Variants in LRBA observed in about 807,000 individuals in gnomAD.
LRBA encodes the protein LPS responsive beige-like anchor protein, also known as lipopolysaccharide-responsive and beige-like anchor protein.
Under a neutral mutation model 330.0 loss-of-function variants are expected in LRBA, and 176 were observed. The ratio of observed to expected loss-of-function variants is 0.53; its 90% CI spans 0.47 to 0.60. The LOEUF is 0.60. Ranked by LOEUF, LRBA falls within the 20% of genes least tolerant of loss-of-function variation. LRBA has a pLI of 0.00. For synonymous variants in LRBA, 1,230 were observed against 1,193.0 expected (o/e 1.03, Z -0.64); for missense variants, 3,259 against 3,444.8 (o/e 0.95, Z 1.35).
intron 37 of LRBA, among the ~76,000 whole-genome samples, chr4:150,646,148 G>A (rs1779116505): frequency 2.0e-5 from 3 of 151,880 alleles, no homozygotes; most frequent in African/African-American, 7.3e-5. Flanking sequence ...ACCAGGCAAA[G>A]CAGATGATGG....
intron 41 of LRBA, among the ~76,000 whole-genome samples, chr4:150,489,441 T>TAATATATTATATATAAGAATATAA: frequency 4.3e-5 from 1 of 23,432 alleles, no homozygotes. Flanking sequence ...TAAGAATATA[T>TAATATATTATATATAAGAATATAA]AATATATTAT....
At chr4:150,712,718 A>T (rs1315719533) in intron 36 of LRBA, among the ~76,000 whole-genome samples, 2 of 152,142 alleles carry the variant, frequency 1.3e-5, no homozygotes, top group African/African-American at 4.8e-5. Flanking sequence ...ACTGGACAAG[A>T]CATGTAAAGG....
chr4:150,400,939 A>G (rs891966360), intron 47 of LRBA, among the ~76,000 whole-genome samples: 2 of 152,242 alleles, frequency 1.3e-5, no homozygotes, highest in East Asian at 1.9e-4. Flanking sequence ...ACACAACTCC[A>G]TATGTTGGAG....
At chr4:150,894,542 C>T (rs534444457) in intron 16 of LRBA, among the ~76,000 whole-genome samples, 2 of 152,302 alleles carry the variant, frequency 1.3e-5, no homozygotes, top group East Asian at 3.9e-4. Context: ...TTGGACAATA[C>T]TGACCCAAAA....
rs1321627015 is a variant in LRBA at position 150,464,823 on chromosome 4, AGCAG to A, written c.6780+2846_6780+2849del. 2.0e-5 allele frequency among the ~76,000 whole-genome samples: 3 copies of A among 152,136 alleles called. No homozygotes were observed. In the East Asian group the frequency reaches 5.8e-4, roughly 29 times the overall value. On this transcript the variant is annotated intron_variant, in intron 44 of 56. Transcript: ENST00000651943. ...CTCAAAGTGATCACAGAGAAGCAAGAGCAGAAACACACAAGCACTTTTTCAAATT... is the reference window on the plus strand; with the variant it reads ...CTCAAAGTGATCACAGAGAAGCAAGAAAACACACAAGCACTTTTTCAAATT...
chr4:150,566,980 T>C, intron 40 of LRBA, among the ~76,000 whole-genome samples: 1 of 152,258 alleles, frequency 6.6e-6, no homozygotes, highest in East Asian at 1.9e-4. Context: ...TTCCTAAGTA[T>C]AAAATATGCA....
intron 40 of LRBA, among the ~76,000 whole-genome samples, chr4:150,571,663 T>TG (rs1293529935): frequency 3.4e-5 from 5 of 147,072 alleles, no homozygotes; most frequent in Non-Finnish European, 6.0e-5. Flanking sequence ...TTTTTTTTTT[T>TG]TTTTTTTTTT....
intron 2 of LRBA, among the ~76,000 whole-genome samples, chr4:150,932,973 T>G (rs1734675622): frequency 6.6e-6 from 1 of 152,150 alleles, no homozygotes. Flanking sequence ...TCAAAATTTT[T>G]TATTTTTGAA....
intron 47 of LRBA, among the ~76,000 whole-genome samples, chr4:150,401,511 AGCC>A (rs1745465947): frequency 6.6e-6 from 1 of 152,190 alleles, no homozygotes; most frequent in Admixed American, 6.5e-5. Flanking sequence ...TTGTAATGGC[AGCC>A]CTAGGAAACT....
chr4:150,582,211 TA>T (rs1267946040), intron 40 of LRBA: 1 of 151,884 alleles, frequency 6.6e-6, no homozygotes, highest in Non-Finnish European at 1.5e-5. Context: ...GCCAAAAGTA[TA>T]AATTACGAAG....
chr4:150,741,828 G>A (rs1355884388), intron 35 of LRBA, among the ~76,000 whole-genome samples: 2 of 151,914 alleles, frequency 1.3e-5, no homozygotes, highest in Non-Finnish European at 2.9e-5. Context: ...CAAAACTATG[G>A]TATTAGAAGT....
chr4:150,466,212 T>C (rs1414019612), intron 44 of LRBA, among the ~76,000 whole-genome samples: 7 of 152,136 alleles, frequency 4.6e-5, no homozygotes, highest in Non-Finnish European at 1.0e-4. Context: ...TTGTCTGAAC[T>C]GTGTGAAGAT....
At chr4:150,508,213 A>G (rs897425419) in intron 40 of LRBA, among the ~76,000 whole-genome samples, 1 of 134,152 alleles carries the variant, frequency 7.5e-6, no homozygotes, top group African/African-American at 2.8e-5. Context: ...GTACCCTAAA[A>G]CTTAAAATAA....
At chr4:150,525,631 C>T (rs1290375074) in intron 40 of LRBA, among the ~76,000 whole-genome samples, 11 of 152,148 alleles carry the variant, frequency 7.2e-5, no homozygotes. Flanking sequence ...AGTATCATGG[C>T]ACAGGCTTGA....
chr4:150,786,807 AACTTTT>A (rs1193777341), intron 34 of LRBA, among the ~76,000 whole-genome samples: 13 of 152,366 alleles, frequency 8.5e-5, no homozygotes, highest in African/African-American at 2.9e-4. Context: ...ATGTGTATTA[AACTTTT>A]TCCCTATTGC....
Position 150,471,673 on chromosome 4 carries a change from G to A in LRBA, c.6618C>T (p.His2206=). 1 of 1,609,858 alleles carries A rather than the reference G, an allele frequency of 6.2e-7. No individual in the cohort carries two copies. Among genetic ancestry groups the A allele is most frequent in the Non-Finnish European group, 8.5e-7 (1 of 1,178,534 alleles). The part of the protein sequence containing the change: ...KASNMTQRWQ[H]REISNFEYLM... ...AGTACTCAAAATTAGATATCTCTCTGTGTTGCCATCGCTGGGTCATATTAG... is the reference window on the plus strand; with the variant it reads ...AGTACTCAAAATTAGATATCTCTCTATGTTGCCATCGCTGGGTCATATTAG... Residue 2206 remains histidine (H), a synonymous_variant, in exon 43 of 57, where the codon CAC becomes CAT. Transcript: ENST00000651943.
chr4:150,331,427 T>A (rs562310558), intron 48 of LRBA, among the ~76,000 whole-genome samples: 178 of 152,266 alleles, frequency 1.2e-3, no homozygotes, highest in South Asian at 2.1e-3. Flanking sequence ...GGTGATCACT[T>A]TTTAGACATT....
intron 44 of LRBA, among the ~76,000 whole-genome samples, chr4:150,445,408 T>C (rs1007561085): frequency 2.2e-3 from 290 of 131,974 alleles, no homozygotes; most frequent in African/African-American, 7.5e-3. Context: ...TATATATATA[T>C]ATACATATAT....
chr4:150,976,658 A>G (rs1740214934), intron 2 of LRBA, among the ~76,000 whole-genome samples: 1 of 152,236 alleles, frequency 6.6e-6, no homozygotes, highest in African/African-American at 2.4e-5. Context: ...AACCATGTCC[A>G]CAAAAAAGCA....
Sources: allele counts gnomAD v4.1 joint callset (sites outside exome capture counted in the v4.1 genomes callset), GRCh38; gene constraint gnomAD v4.1.1; transcripts MANE v1.5; gene names NCBI Gene and HGNC (gene_info 2026-07-23, HGNC 2026-07-21).